The following CSGALNACT1 variants were observed in gnomAD, a reference collection of about 807,000 sequenced individuals.
The protein encoded by CSGALNACT1 is chondroitin sulfate N-acetylgalactosaminyltransferase 1.
A neutral mutation model predicts 51.0 loss-of-function variants in CSGALNACT1; 52 were observed. The ratio of observed to expected loss-of-function variants is 1.02; its 90% CI spans 0.82 to 1.29. The LOEUF is 1.29. CSGALNACT1 is among the 50% of genes most tolerant of loss of function. The pLI, the probability that CSGALNACT1 is intolerant of heterozygous loss-of-function variation, is 0.00. For missense variants in CSGALNACT1, 935 were observed against 679.2 expected (o/e 1.38, Z -4.19); for synonymous variants, 341 against 254.4 (o/e 1.34, Z -3.24).
At chr8:19,658,490 C>A (rs1589316744) in intron 1 of CSGALNACT1, among the ~76,000 whole-genome samples, 2 of 152,154 alleles carry the variant, frequency 1.3e-5, no homozygotes, top group African/African-American at 4.8e-5. Context: ...TCCCAGCACT[C>A]TGGCAGGCCA....
chr8:19,497,100 A>C (rs2075625267), intron 4 of CSGALNACT1, among the ~76,000 whole-genome samples: 1 of 152,200 alleles, frequency 6.6e-6, no homozygotes, highest in Non-Finnish European at 1.5e-5. Context: ...GAGTGGGGAC[A>C]GGAAAATACC....
intron 4 of CSGALNACT1, among the ~76,000 whole-genome samples, chr8:19,461,805 CCCCACAGCAGCCACATTAGCCA>C (rs1256559134): frequency 9.3e-6 from 1 of 107,178 alleles, no homozygotes; most frequent in Admixed American, 1.1e-4. Flanking sequence ...GAGGGCGTAT[CCCCACAGCAGCCACATTAGCCA>C]TGGAGGGTGT....
chr8:19,418,859 TTTTC>T lies in CSGALNACT1; in HGVS notation c.1133-113_1133-110del, dbSNP rs2057388265. On this transcript the variant is annotated intron_variant, in intron 7 of 9. Coordinates refer to ENST00000454498, the Ensembl canonical transcript of CSGALNACT1. ...CCCCAGATATTTGCACCCACTTTTT[TTTTC>T]TTTGAGAGGCAGTCTCACTGTCACC... 6 of 778,488 alleles carry T rather than the reference TTTTC, an allele frequency of 7.7e-6. No individual in the cohort carries two copies. In the Admixed American group the frequency reaches 8.0e-5, roughly 10 times the overall value. 48.2% of individuals were successfully genotyped at this position (778,488 alleles called of 1,614,324 possible).
At chr8:19,703,011 C>T (rs920597938) in intron 1 of CSGALNACT1, among the ~76,000 whole-genome samples, 8 of 152,038 alleles carry the variant, frequency 5.3e-5, no homozygotes, top group African/African-American at 1.2e-4. Context: ...ACATGATCAC[C>T]GTGGACAGAA....
chr8:19,692,143 G>A (rs756485498), intron 1 of CSGALNACT1, among the ~76,000 whole-genome samples: 7 of 152,150 alleles, frequency 4.6e-5, no homozygotes, highest in East Asian at 3.9e-4. Context: ...TGGAGGAACC[G>A]CCCCCATGAT....
intron 1 of CSGALNACT1, among the ~76,000 whole-genome samples, chr8:19,718,607 T>C (rs1489998397): frequency 6.6e-6 from 1 of 152,198 alleles, no homozygotes; most frequent in East Asian, 1.9e-4. Flanking sequence ...TGCAATGCTT[T>C]CCCATCATGA....
intron 4 of CSGALNACT1, among the ~76,000 whole-genome samples, chr8:19,475,213 C>A (rs922268485): frequency 3.9e-5 from 6 of 152,094 alleles, no homozygotes; most frequent in Non-Finnish European, 4.4e-5. Context: ...AAGAATATGG[C>A]ACAATCAGAA....
chr8:19,738,277 T>C (rs372736279), intron 1 of CSGALNACT1, among the ~76,000 whole-genome samples: 5 of 152,044 alleles, frequency 3.3e-5, no homozygotes, highest in African/African-American at 1.2e-4. Flanking sequence ...AGACATAGAG[T>C]GGAATATTAT....
At chr8:19,512,663 G>A (rs1038759695) in intron 3 of CSGALNACT1, among the ~76,000 whole-genome samples, 1 of 152,120 alleles carries the variant, frequency 6.6e-6, no homozygotes, top group Admixed American at 6.5e-5. Flanking sequence ...AAGGCTCAGA[G>A]AAGTTATGCG....
chr8:19,726,457 T>C (rs1243423303), intron 1 of CSGALNACT1, among the ~76,000 whole-genome samples: 1 of 152,206 alleles, frequency 6.6e-6, no homozygotes, highest in Non-Finnish European at 1.5e-5. Flanking sequence ...TTCCTTTGTA[T>C]AGCTGACAAA....
intron 4 of CSGALNACT1, among the ~76,000 whole-genome samples, chr8:19,473,526 C>T (rs1338976109): frequency 1.3e-5 from 2 of 152,330 alleles, no homozygotes; most frequent in African/African-American, 4.8e-5. Context: ...TACAGACTTG[C>T]AGCCTAACCC....
intron 3 of CSGALNACT1, among the ~76,000 whole-genome samples, chr8:19,586,358 C>T (rs933357875): frequency 9.5e-5 from 14 of 146,914 alleles, no homozygotes; most frequent in African/African-American, 3.5e-4. Flanking sequence ...GACTCCATCT[C>T]AGAAAACACA....
rs969829702 is a variant in CSGALNACT1, at chr8:19,522,906, G to A, written c.-296-16776C>T. ...TAAGGCTGCAAGATGTCTGTGGTGA[G>A]CGGAGTTTCCTGATTCCCTCTTCAA... On this transcript the variant is annotated intron_variant, in intron 3 of 9. Transcript: ENST00000454498. Among the ~76,000 whole-genome samples, 8 of 152,216 alleles carry A rather than the reference G, an allele frequency of 5.3e-5. No individual in the cohort carries two copies. In the East Asian group the frequency reaches 1.3e-3, roughly 26 times the overall value.
chr8:19,635,062 T>C (rs1038029001), intron 1 of CSGALNACT1, among the ~76,000 whole-genome samples: 4 of 152,356 alleles, frequency 2.6e-5, no homozygotes, highest in Middle Eastern at 3.4e-3. Context: ...AATTTCTAAA[T>C]GATTGTGTAA....
In CSGALNACT1 at chr8:19,740,249, C is replaced by T. The variant is rs368301965; in HGVS notation, c.-297+17601G>A. Among the ~76,000 whole-genome samples the T allele has an allele frequency of 5.9e-5, 9 of 152,316 alleles. No homozygotes were observed. In the East Asian group the frequency reaches 1.7e-3, roughly 30 times the overall value. Reference sequence around the variant, plus strand: ...TCCAACACGCTTGGCAGCGGGGAGGCCCTATCCCAGCTGCTCCCCTTCACT... The same window carrying T: ...TCCAACACGCTTGGCAGCGGGGAGGTCCTATCCCAGCTGCTCCCCTTCACT... On this transcript the variant is annotated intron_variant, in intron 1 of 1. Coordinates refer to the CSGALNACT1 transcript ENST00000517494.
chr8:19,463,000 A>G (rs565129359), intron 4 of CSGALNACT1, among the ~76,000 whole-genome samples: 24 of 152,132 alleles, frequency 1.6e-4, no homozygotes, highest in Non-Finnish European at 2.8e-4. Context: ...GTTAGGCCCC[A>G]GTGTCTAACG....
At chr8:19,681,515 T>A (rs1407647895) in intron 1 of CSGALNACT1, among the ~76,000 whole-genome samples, 2 of 152,180 alleles carry the variant, frequency 1.3e-5, no homozygotes, top group African/African-American at 2.4e-5. Flanking sequence ...TCAGAGCAGA[T>A]ACAAGACAAG....
chr8:19,748,098 C>T (rs984767617), intron 1 of CSGALNACT1, among the ~76,000 whole-genome samples: 2 of 152,100 alleles, frequency 1.3e-5, no homozygotes, highest in South Asian at 4.1e-4. Context: ...TCAAAGGTAA[C>T]CTGGAAATTT....
chr8:19,414,894 C>T (rs986178079), intron 8 of CSGALNACT1, among the ~76,000 whole-genome samples: 9 of 152,202 alleles, frequency 5.9e-5, no homozygotes, highest in Admixed American at 2.6e-4. Flanking sequence ...TGAGTCAGAA[C>T]GTACCCTTAG....
Sources: allele counts gnomAD v4.1 joint callset (sites outside exome capture counted in the v4.1 genomes callset), GRCh38; gene constraint gnomAD v4.1.1; transcripts MANE v1.5; gene names NCBI Gene and HGNC (gene_info 2026-07-23, HGNC 2026-07-21).